The following SGTA variants were observed in gnomAD, a reference collection of about 807,000 sequenced individuals.
SGTA encodes the protein small glutamine-rich tetratricopeptide repeat-containing protein alpha.
In SGTA, 22 loss-of-function variants were observed where a neutral mutation model predicts 44.3. The ratio of observed to expected loss-of-function variants is 0.50; its 90% CI spans 0.36 to 0.71. The LOEUF is 0.71. Ranked by LOEUF, SGTA falls within the 30% of genes least tolerant of loss-of-function variation. The pLI is 0.00. For missense variants in SGTA, 341 were observed against 435.9 expected (o/e 0.78, Z 1.94); for synonymous variants, 174 against 177.6 (o/e 0.98, Z 0.16).
In SGTA at chr19:2,772,888, A is replaced by G. The variant is rs868840735; in HGVS notation, c.-23-3797T>C. On this transcript the variant is annotated intron_variant, in intron 1 of 11. Coordinates refer to ENST00000221566, the MANE Select transcript of SGTA (RefSeq NM_003021.4). ...CAGGGCAGGGACACCGAGGGCAGAA[A>G]TGGGTGACGCGGCCACAGGGCAGGG... is the stretch of plus-strand genomic sequence containing the variant. Among the ~76,000 whole-genome samples the G allele has an allele frequency of 1.5e-3, 114 of 76,636 alleles. 6 individuals are homozygous for G. Among genetic ancestry groups the G allele is most frequent in the African/African-American group, 8.1e-3 (80 of 9,882 alleles). 50.3% of individuals were successfully genotyped at this position (76,636 alleles called of 152,430 possible). A position where few individuals can be genotyped will look rare whatever the true frequency, so the allele number is the denominator to read the frequency against.
chr19:2,763,030 C>G lies in SGTA; in HGVS notation c.498-386G>C, dbSNP rs1037578823. 1.3e-5 allele frequency among the ~76,000 whole-genome samples: 2 copies of G among 150,054 alleles called. No homozygotes were observed. The highest frequency in any genetic ancestry group is 5.0e-5 in the African/African-American group (2 of 40,174). ...ACCTCTGAGCGACAGACATGTCTCC[C>G]GTCATCCACAAGCAGCCCCTGACCC... is the stretch of plus-strand genomic sequence containing the variant. On this transcript the variant is annotated intron_variant, in intron 6 of 11. Transcript: ENST00000221566. This position sits in a 1 kb window ranked among gnomAD's most constrained non-coding sequence, Gnocchi z 5.8.
intron 11 of SGTA, 122 bp from the exon 12 acceptor site, chr19:2,756,055 G>A: frequency 5.2e-6 from 2 of 383,774 alleles, no homozygotes; most frequent in Non-Finnish European, 7.1e-6. Context: ...CTATTTCAAC[G>A]AACGTCAGAG....
chr19:2,757,495 G>T, intron 10 of SGTA, 38 bp from the exon 11 acceptor site: 1 of 1,597,432 alleles, frequency 6.3e-7, no homozygotes. Flanking sequence ...CCAGGGCCAG[G>T]AGGCTGCCTG....
chr19:2,767,324 G>C lies in SGTA; in HGVS notation c.208-104C>G. 1.1e-6 allele frequency: 1 copy of C among 910,454 alleles called. No individual in the cohort carries two copies. Among genetic ancestry groups the C allele is most frequent in the Non-Finnish European group, 1.7e-6 (1 of 591,594 alleles). The allele number at this position is 910,454 out of a possible 1,614,324, so 56.4% of individuals were successfully genotyped here. ...CCAGAGAGGGCCACCAAGTTCCGAA[G>C]GACCCGGGGGCTCTGCAGGGGACTC... is the stretch of plus-strand genomic sequence containing the variant. On this transcript the variant is annotated intron_variant, in intron 3 of 11. Coordinates refer to ENST00000221566, the MANE Select transcript of SGTA (RefSeq NM_003021.4). The surrounding 1 kb of genome is among the most constrained non-coding windows in gnomAD (Gnocchi z 7.3).
chr19:2,780,506 C>G (rs1915548223), intron 1 of SGTA, among the ~76,000 whole-genome samples: 3 of 152,112 alleles, frequency 2.0e-5, no homozygotes. Flanking sequence ...ATCTGTGGGG[C>G]CTACACCAAA....
Position 2,755,587 on chromosome 19 carries a change from C to A in SGTA, c.*353G>T, listed in dbSNP as rs1914800155. On this transcript the variant is annotated 3_prime_UTR_variant, in exon 12 of 12. Coordinates refer to ENST00000221566, the MANE Select transcript of SGTA (RefSeq NM_003021.4). The surrounding 1 kb of genome is among the most constrained non-coding windows in gnomAD (Gnocchi z 5.2). Reference sequence around the variant, plus strand: ...AGGCTTTGGAAGCCACACGATCCGCCACACGGCTGAACGTGAAACCTGCCA... The same window carrying A: ...AGGCTTTGGAAGCCACACGATCCGCAACACGGCTGAACGTGAAACCTGCCA... 1.0e-6 allele frequency: 1 copy of A among 985,514 alleles called. No individual in the cohort carries two copies. Among genetic ancestry groups the A allele is most frequent in the African/African-American group, 1.7e-5 (1 of 57,238 alleles). 61.0% of individuals were successfully genotyped at this position (985,514 alleles called of 1,614,324 possible).
At chr19:2,759,050 AATGGTGGTGACAGTTGCATGACAGTGTG>A (rs1269587719) in intron 9 of SGTA, among the ~76,000 whole-genome samples, 179 bp downstream of exon 9, 3 of 151,922 alleles carry the variant, frequency 2.0e-5, no homozygotes, top group Non-Finnish European at 4.4e-5. Flanking sequence ...GTTGGTGCTC[AATGGTGGTGACAGTTGCATGACAGTGTG>A]ATGGTGGTGA....
rs190210975 is a variant in SGTA at position 2,774,697 on chromosome 19, T to C, written c.-23-5606A>G. Among the ~76,000 whole-genome samples the C allele has an allele frequency of 5.3e-5, 8 of 152,148 alleles. No individual in the cohort carries two copies. In the East Asian group the frequency reaches 1.4e-3, roughly 26 times the overall value. On this transcript the variant is annotated intron_variant, in intron 1 of 11. Transcript: ENST00000221566. The stretch of plus-strand genomic sequence containing the variant: ...TATGTAAAATACCTGCCCATGAACA[T>C]TGGCAAACTCCTGGCCTCAAGCAAT...
At chr19:2,779,523 T>C (rs984562325) in intron 1 of SGTA, among the ~76,000 whole-genome samples, 14 of 152,188 alleles carry the variant, frequency 9.2e-5, no homozygotes, top group African/African-American at 2.9e-4. Context: ...TCACAACTTG[T>C]AGGGTTTGGC....
At chr19:2,762,355 C>T in intron 7 of SGTA, 151 bp downstream of exon 7, 1 of 737,752 alleles carries the variant, frequency 1.4e-6, no homozygotes, top group Non-Finnish European at 2.2e-6. Context: ...CACTCACTTC[C>T]ACGCCTGTGC....
At position 2,757,363 on chromosome 19, in the gene SGTA, T is replaced by G; in HGVS notation, c.922A>C (p.Asn308His). ...QIRSRTPSAS[N>H]DDQQE ...CAGCGTCACTCCTGCTGGTCGTCGTTGCTGGCGCTGGGCGTCCGACTCCGG... is the reference window on the plus strand; with the variant it reads ...CAGCGTCACTCCTGCTGGTCGTCGTGGCTGGCGCTGGGCGTCCGACTCCGG... The change falls in exon 11 of 12, where the codon AAC becomes CAC. Residue 308 changes from asparagine to histidine, a missense_variant. Asn to His is a moderately conservative substitution (Grantham distance 68, BLOSUM62 1). Coordinates refer to ENST00000221566, the MANE Select transcript of SGTA (RefSeq NM_003021.4). The G allele has an allele frequency of 6.2e-7, 1 of 1,604,328 alleles. No homozygotes were observed. Among genetic ancestry groups the G allele is most frequent in the Non-Finnish European group, 8.5e-7 (1 of 1,179,878 alleles).
chr19:2,779,697 C>A (rs1406104301), intron 1 of SGTA, among the ~76,000 whole-genome samples: 1 of 152,230 alleles, frequency 6.6e-6, no homozygotes, highest in African/African-American at 2.4e-5. Flanking sequence ...ATGTTGGGGG[C>A]TTCAGCGTCC....
At chr19:2,757,259 T>C (rs555688779) in intron 11 of SGTA, 78 bp downstream of exon 11, 2 of 1,527,522 alleles carry the variant, frequency 1.3e-6, no homozygotes, top group African/African-American at 2.7e-5. Flanking sequence ...TCACTCCTGC[T>C]GGCTGCCCTC....
At chr19:2,775,441 G>A (rs1311224624) in intron 1 of SGTA, among the ~76,000 whole-genome samples, 8 of 152,244 alleles carry the variant, frequency 5.3e-5, no homozygotes, top group Admixed American at 3.3e-4. Context: ...CACCGGCGAC[G>A]TGGACCTCCA....
chr19:2,757,756 T>G lies in SGTA; in HGVS notation c.764A>C (p.Asn255Thr). Residue 255 changes from asparagine (N) to threonine (T), a missense_variant, in exon 10 of 12, where the codon AAC (asparagine) becomes ACC (threonine). Transcript: ENST00000221566. ...QLMSGMISGG[N>T]NPLGTPGTSP... The stretch of plus-strand genomic sequence containing the variant: ...GGTGCCGGGAGTTCCCAAGGGGTTG[T>G]TGCCACCCGAAATCATGCCGGACAT... 6.2e-7 allele frequency: 1 copy of G among 1,603,912 alleles called. No homozygotes were observed. Among genetic ancestry groups the G allele is most frequent in the Non-Finnish European group, 8.5e-7 (1 of 1,175,720 alleles).
chr19:2,777,033 C>T (rs540335541), intron 1 of SGTA, among the ~76,000 whole-genome samples: 3 of 151,948 alleles, frequency 2.0e-5, no homozygotes, highest in African/African-American at 7.3e-5. Context: ...GAAGCCGAGG[C>T]AGGCGGATCA....
At chr19:2,764,205 A>T (rs902172581) in intron 5 of SGTA, among the ~76,000 whole-genome samples, 6 of 152,180 alleles carry the variant, frequency 3.9e-5, no homozygotes, top group East Asian at 1.9e-4. Context: ...AAGTACAGAG[A>T]AGAGTGAGTG....
At chr19:2,760,881 A>G (rs1250436953) in intron 8 of SGTA, among the ~76,000 whole-genome samples, 1 of 152,176 alleles carries the variant, frequency 6.6e-6, no homozygotes, top group Non-Finnish European at 1.5e-5. Context: ...GGGAGCCTGA[A>G]GAGTGGTCCC....
At chr19:2,774,552 G>C (rs186706840) in intron 1 of SGTA, among the ~76,000 whole-genome samples, 5 of 152,262 alleles carry the variant, frequency 3.3e-5, no homozygotes, top group African/African-American at 1.2e-4. Context: ...CCGTGCACGC[G>C]TACACAGAGG....
Sources: allele counts gnomAD v4.1 joint callset (sites outside exome capture counted in the v4.1 genomes callset), GRCh38; gene constraint gnomAD v4.1.1; non-coding constraint Gnocchi (gnomAD v3.1); transcripts MANE v1.5; gene names NCBI Gene and HGNC (gene_info 2026-07-23, HGNC 2026-07-21).